The following FTCD variants were observed in gnomAD, a reference collection of about 807,000 sequenced individuals.
The protein encoded by FTCD is formimidoyltransferase cyclodeaminase.
FTCD carries 76 observed loss-of-function variants against 62.9 expected under a neutral mutation model. That is an observed-to-expected ratio of 1.21 (90% CI 1.00 to 1.46). FTCD has a LOEUF of 1.46. Ranked by LOEUF, FTCD falls within the 40% of genes most tolerant of loss-of-function variation. The probability of loss-of-function intolerance (pLI) is 0.00; values close to 1 mark genes in which losing one functional copy is unlikely to be tolerated. For synonymous variants in FTCD, 397 were observed against 336.9 expected, an observed-to-expected ratio of 1.18 and a Z score of -1.95; for missense variants, 845 against 751.3, an observed-to-expected ratio of 1.12 and a Z score of -1.46.
intron 10 of FTCD, among the ~76,000 whole-genome samples, chr21:46,139,673 G>C (rs1391335276): frequency 6.6e-6 from 1 of 152,264 alleles, no homozygotes. Context: ...GCGCCAGCCA[G>C]ATCTGGATCC....
intron 2 of FTCD, among the ~76,000 whole-genome samples, chr21:46,153,927 A>G (rs2079365450): frequency 6.7e-6 from 1 of 149,444 alleles, no homozygotes; most frequent in African/African-American, 2.5e-5. Flanking sequence ...GTGCTGTGGG[A>G]GCGTGGCGAC....
intron 7 of FTCD, 59 bp downstream of exon 7, chr21:46,150,060 C>T: frequency 1.3e-6 from 2 of 1,510,774 alleles, no homozygotes; most frequent in Non-Finnish European, 1.8e-6. Context: ...AGCTCCGCCA[C>T]CGCCTCCCCA....
At chr21:46,154,369 C>A (rs753288038) in intron 1 of FTCD, 37 bp from the exon 2 acceptor site, 2 of 1,590,108 alleles carry the variant, frequency 1.3e-6, no homozygotes, top group South Asian at 1.1e-5. Context: ...CTCAGTCTCC[C>A]CGTTTGAAAG....
intron 5 of FTCD, 115 bp from the exon 6 acceptor site, chr21:46,150,640 T>G (rs1450681346): frequency 9.2e-7 from 1 of 1,081,628 alleles, no homozygotes; most frequent in Non-Finnish European, 1.4e-6. Context: ...TGTGCCTGGG[T>G]GGGTGCTGTG....
chr21:46,138,986 GCTC>G lies in FTCD; in HGVS notation c.1261-66_1261-64del. On this transcript the variant is annotated intron_variant, in intron 10 of 13. Transcript: ENST00000397746. ...TAGGGGGAGCAGCCATGCCCTCTGAGCTCCCACAAGGGGCTGTAGCAAGGAGCA... is the reference window on the plus strand; with the variant it reads ...TAGGGGGAGCAGCCATGCCCTCTGAGCCACAAGGGGCTGTAGCAAGGAGCA... 3 of 1,250,816 alleles carry G rather than the reference GCTC, an allele frequency of 2.4e-6. No homozygotes were observed. In the Admixed American group the frequency reaches 5.0e-5, roughly 21 times the overall value. 77.5% of individuals were successfully genotyped at this position (1,250,816 alleles called of 1,614,324 possible).
intron 8 of FTCD, 66 bp downstream of exon 8, chr21:46,146,200 G>A: frequency 1.7e-6 from 2 of 1,145,772 alleles, no homozygotes; most frequent in Non-Finnish European, 1.3e-6. Flanking sequence ...GGACCCCAGC[G>A]CCCCGCAAGG....
intron 7 of FTCD, among the ~76,000 whole-genome samples, chr21:46,147,515 C>A (rs2079174025): frequency 6.6e-6 from 1 of 152,176 alleles, no homozygotes; most frequent in African/African-American, 2.4e-5. Context: ...TAAAATTCCA[C>A]AGAGCATGCA....
In FTCD at chr21:46,154,227, G is replaced by A. The variant is rs200316207; in HGVS notation, c.160C>T (p.Pro54Ser). The A allele has an allele frequency of 1.2e-6, 2 of 1,612,808 alleles. No homozygotes were observed. Among genetic ancestry groups the A allele is most frequent in the East Asian group, 4.5e-5 (2 of 44,882 alleles). ...GCCCCCTCCACCACGCACTCCGGCGGCCCCACGAAGGTGTACACGGTGCGG... is the reference window on the plus strand; with the variant it reads ...GCCCCCTCCACCACGCACTCCGGCGACCCCACGAAGGTGTACACGGTGCGG... ...TNRTVYTFVGPPECVVEGALN... is the reference protein window; with the variant it reads ...TNRTVYTFVGSPECVVEGALN... Residue 54 changes from proline to serine, a missense_variant, in exon 2 of 14, where the codon CCG becomes TCG. Transcript: ENST00000397746.
In FTCD at chr21:46,137,002, C is replaced by A; in HGVS notation, c.1611G>T (p.Glu537Asp). Residue 537 changes from glutamate (E) to aspartate (D), a missense_variant, in exon 14 of 14, where the codon GAG (glutamate) becomes GAT (aspartate). By Grantham distance (45) the Glu-to-Asp change is conservative (BLOSUM62 2). Coordinates refer to ENST00000397746, the MANE Select transcript of FTCD (RefSeq NM_206965.2). Reference protein sequence around the residue: ...TQAALVLDCLETRQE With the variant: ...TQAALVLDCLDTRQE Reference sequence around the variant, plus strand: ...TCCCGCACCGTCACTCCTGCCGGGTCTCCAAGCAGTCCAGCACCAGTGCAG... The same window carrying A: ...TCCCGCACCGTCACTCCTGCCGGGTATCCAAGCAGTCCAGCACCAGTGCAG... The A allele has an allele frequency of 6.2e-7, 1 of 1,613,476 alleles. No homozygotes were observed. Among genetic ancestry groups the A allele is most frequent in the Non-Finnish European group, 8.5e-7 (1 of 1,180,014 alleles).
intron 7 of FTCD, among the ~76,000 whole-genome samples, chr21:46,148,497 T>C (rs568125144): frequency 6.6e-6 from 1 of 152,320 alleles, no homozygotes; most frequent in South Asian, 2.1e-4. Context: ...TCCTTGCCTG[T>C]AATCCCAGCA....
intron 8 of FTCD, 77 bp from the exon 9 acceptor site, chr21:46,146,024 C>A: frequency 2.2e-6 from 2 of 921,268 alleles, no homozygotes; most frequent in South Asian, 1.7e-5. Context: ...CGGCCCCAGG[C>A]CCCACGCCCG....
intron 1 of FTCD, among the ~76,000 whole-genome samples, chr21:46,154,880 G>A (rs972859206): frequency 2.0e-5 from 3 of 152,230 alleles, no homozygotes; most frequent in African/African-American, 7.2e-5. Flanking sequence ...GTGGCCTGGT[G>A]CTGCGCTCTG....
chr21:46,155,426 T>C, intron 1 of FTCD, 44 bp downstream of exon 1: 2 of 1,522,956 alleles, frequency 1.3e-6, no homozygotes, highest in Non-Finnish European at 1.8e-6. Context: ...CCACTCAAGC[T>C]GCCCCATCAG....
At chr21:46,141,994 G>C (rs552064891) in intron 10 of FTCD, 1 of 152,382 alleles carries the variant, frequency 6.6e-6, no homozygotes, top group African/African-American at 2.4e-5. Flanking sequence ...GTGTGCGAGG[G>C]GAAGGAAAGG....
In FTCD at chr21:46,145,476, C is replaced by G; in HGVS notation, c.1201G>C (p.Ala401Pro). 2 of 1,558,706 alleles carry G rather than the reference C, an allele frequency of 1.3e-6. No homozygotes were observed. The highest frequency in any genetic ancestry group is 1.7e-6 in the Non-Finnish European group (2 of 1,152,118). The change falls in exon 10 of 14, where the codon GCT becomes CCT. Residue 401 changes from alanine (A) to proline (P), a missense_variant. Physicochemically the swap from Ala to Pro is conservative, Grantham distance 27 (BLOSUM62 -1). Coordinates refer to ENST00000397746, the MANE Select transcript of FTCD (RefSeq NM_206965.2). ...MRRLIPPFRE[A>P]SAKLTTLVDA... ...ACCAGCGTGGTTAGCTTGGCCGAAG[C>G]CTCGCGGAAGGGCGGGATCAGGCGC... is the stretch of plus-strand genomic sequence containing the variant.
At chr21:46,145,681 G>T (rs1469215889) in intron 9 of FTCD, 103 bp from the exon 10 acceptor site, 2 of 622,258 alleles carry the variant, frequency 3.2e-6, no homozygotes, top group Non-Finnish European at 4.1e-6. Flanking sequence ...GGTCCCACCC[G>T]TGTGGCCCCC....
chr21:46,143,135 G>A (rs2079057497), intron 10 of FTCD, among the ~76,000 whole-genome samples: 3 of 152,192 alleles, frequency 2.0e-5, no homozygotes, highest in Non-Finnish European at 4.4e-5. Context: ...CTCTGTGCCT[G>A]TGTGTGGATT....
downstream of FTCD, chr21:46,136,329 G>A: frequency 1.0e-6 from 1 of 998,762 alleles, no homozygotes; most frequent in South Asian, 1.5e-5. Flanking sequence ...GCAGGGAGCT[G>A]AGGCAGGGAG....
At chr21:46,151,461 G>A in intron 5 of FTCD, 97 bp downstream of exon 5, 1 of 970,418 alleles carries the variant, frequency 1.0e-6, no homozygotes, top group Non-Finnish European at 1.5e-6. Flanking sequence ...TCCGGCCGGT[G>A]CCCCATCCCC....
Sources: gnomAD v4.1 joint callset for allele counts (sites outside exome capture counted in the v4.1 genomes callset) on GRCh38, gnomAD v4.1.1 for gene constraint, MANE v1.5 for transcripts, NCBI Gene and HGNC (gene_info 2026-07-23, HGNC 2026-07-21) for gene names.